The following FAM168A variants were observed in gnomAD, a reference collection of about 807,000 sequenced individuals.
FAM168A encodes protein FAM168A.
A neutral mutation model predicts 28.5 loss-of-function variants in FAM168A; 3 were observed. The ratio of observed to expected loss-of-function variants is 0.11; its 90% CI spans 0.05 to 0.27. The LOEUF (loss-of-function observed/expected upper bound fraction) is 0.27, where lower values mean the gene tolerates loss of function less well. FAM168A is among the 10% of genes least tolerant of loss of function. The pLI is 1.00. For synonymous variants in FAM168A, 122 were observed against 124.2 expected (o/e 0.98, Z 0.12); for missense variants, 222 against 311.5 (o/e 0.71, Z 2.16).
chr11:73,407,750 C>A, intron 6 of FAM168A, 107 bp from the exon 7 acceptor site: 1 of 875,878 alleles, frequency 1.1e-6, no homozygotes, highest in South Asian at 1.6e-5. Context: ...TGCCCAAATC[C>A]CCCATCTCCC....
intron 1 of FAM168A, among the ~76,000 whole-genome samples, chr11:73,489,716 G>A (rs1868103478): frequency 6.6e-6 from 1 of 152,002 alleles, no homozygotes; most frequent in African/African-American, 2.4e-5. Flanking sequence ...ATGCTGTGTT[G>A]CCTGGGCTGG....
chr11:73,587,361 G>A (rs967381036), intron 1 of FAM168A, among the ~76,000 whole-genome samples: 5 of 151,952 alleles, frequency 3.3e-5, no homozygotes, highest in South Asian at 4.2e-4. Context: ...GCATGGTTTC[G>A]GGCACCTGTA....
At chr11:73,491,796 A>G (rs1053879428) in intron 1 of FAM168A, among the ~76,000 whole-genome samples, 29 of 152,224 alleles carry the variant, frequency 1.9e-4, no homozygotes, top group African/African-American at 7.0e-4. Context: ...TAAGCTTGCA[A>G]GTCCAACATT....
chr11:73,570,386 G>GA (rs563953127), intron 1 of FAM168A, among the ~76,000 whole-genome samples: 19 of 151,674 alleles, frequency 1.3e-4, no homozygotes, highest in African/African-American at 2.4e-5. Context: ...GTACAAAGAT[G>GA]AAAAAAAATG....
chr11:73,594,266 A>AT (rs749019478), intron 1 of FAM168A, among the ~76,000 whole-genome samples: 4,279 of 142,650 alleles, frequency 0.03, 155 homozygotes, highest in African/African-American at 0.087. Flanking sequence ...CACCCAGCAA[A>AT]TTTTTTTTTT....
Position 73,411,413 on chromosome 11 carries a change from T to G in FAM168A, c.401A>C (p.Gln134Pro). 1 of 1,607,378 alleles carries G rather than the reference T, an allele frequency of 6.2e-7. No individual in the cohort carries two copies. The highest frequency in any genetic ancestry group is 1.1e-5 in the South Asian group (1 of 90,166). ...AMYPIRSAYP[Q>P]QNLYAQGAYY... Reference sequence around the variant, plus strand: ...ACCTACCTGGGCATACAGATTCTGCTGGGGGTAGGCACTTCTGATTGGATA... The same window carrying G: ...ACCTACCTGGGCATACAGATTCTGCGGGGGGTAGGCACTTCTGATTGGATA... The change falls in exon 5 of 8, where the codon CAG (glutamine) becomes CCG (proline). Residue 134 changes from glutamine (Q) to proline (P), a missense_variant. Gln to Pro is a moderately conservative substitution (Grantham distance 76, BLOSUM62 -1). Transcript: ENST00000356467.
intron 1 of FAM168A, among the ~76,000 whole-genome samples, chr11:73,502,724 T>C (rs977881917): frequency 6.6e-6 from 1 of 152,196 alleles, no homozygotes; most frequent in Non-Finnish European, 1.5e-5. Context: ...CAAATATCCC[T>C]GATGAACATC....
rs112378981 is a variant in FAM168A at position 73,496,120 on chromosome 11, A to C, written c.-18-27628T>G. Among the ~76,000 whole-genome samples the C allele has an allele frequency of 1.7e-4, 26 of 152,306 alleles. 1 individual carries two copies. Among genetic ancestry groups the C allele is most frequent in the African/African-American group, 6.0e-4 (25 of 41,574 alleles). On this transcript the variant is annotated intron_variant, in intron 1 of 7. Transcript: ENST00000356467. ...CACAACCTGCACCCACACACGCATGATGGAATATTACTCACTCTTAAAAAA... is the reference window on the plus strand; with the variant it reads ...CACAACCTGCACCCACACACGCATGCTGGAATATTACTCACTCTTAAAAAA...
intron 1 of FAM168A, among the ~76,000 whole-genome samples, chr11:73,592,438 A>G (rs1590759357): frequency 1.3e-5 from 2 of 152,384 alleles, no homozygotes; most frequent in Admixed American, 1.3e-4. Context: ...CAAAATAGAG[A>G]AAGAAATATG....
intron 1 of FAM168A, among the ~76,000 whole-genome samples, chr11:73,578,258 C>A (rs756227218): frequency 1.9e-4 from 29 of 151,878 alleles, no homozygotes; most frequent in Non-Finnish European, 4.1e-4. Context: ...GATAGAAAAG[C>A]CGATAGGTGG....
chr11:73,419,100 G>A (rs1031713632), intron 4 of FAM168A, among the ~76,000 whole-genome samples: 16 of 152,250 alleles, frequency 1.1e-4, no homozygotes, highest in Middle Eastern at 3.4e-3. Flanking sequence ...ATGAGCCACC[G>A]CGCCCGGCTG....
chr11:73,550,652 C>A (rs1238628773), intron 1 of FAM168A, among the ~76,000 whole-genome samples: 1 of 151,606 alleles, frequency 6.6e-6, no homozygotes, highest in Non-Finnish European at 1.5e-5. Flanking sequence ...CAGACTCTGT[C>A]TCAAAAATAA....
intron 2 of FAM168A, among the ~76,000 whole-genome samples, chr11:73,437,145 T>G (rs1033873981): frequency 6.6e-6 from 1 of 151,962 alleles, no homozygotes; most frequent in African/African-American, 2.4e-5. Flanking sequence ...GTCTCCAGGC[T>G]GCAGTGCAGT....
intron 1 of FAM168A, 38 bp from the exon 2 acceptor site, chr11:73,468,530 T>G: frequency 2.0e-6 from 3 of 1,472,726 alleles, no homozygotes; most frequent in Non-Finnish European, 1.9e-6. Flanking sequence ...TGATATTGAT[T>G]GTTCATTCTT....
At chr11:73,445,419 C>CTCTCTCTCTTTTTTTT (rs776745757) in intron 2 of FAM168A, among the ~76,000 whole-genome samples, 4 of 50,432 alleles carry the variant, frequency 7.9e-5, no homozygotes, top group African/African-American at 2.9e-4. Flanking sequence ...AAAAATGTCT[C>CTCTCTCTCTTTTTTTT]TTTTTTTTTT....
intron 1 of FAM168A, among the ~76,000 whole-genome samples, chr11:73,573,873 T>C (rs192039202): frequency 3.0e-4 from 46 of 152,258 alleles, no homozygotes; most frequent in African/African-American, 1.1e-3. Context: ...AGAGGATCAC[T>C]ATGTCCAGGA....
At chr11:73,525,326 C>T (rs572775868) in intron 1 of FAM168A, among the ~76,000 whole-genome samples, 2 of 152,140 alleles carry the variant, frequency 1.3e-5, no homozygotes, top group African/African-American at 4.8e-5. Flanking sequence ...GGGAAAGGGA[C>T]GTTCAAATGT....
chr11:73,426,510 C>A (rs537907400), intron 3 of FAM168A, among the ~76,000 whole-genome samples: 1 of 152,336 alleles, frequency 6.6e-6, no homozygotes, highest in South Asian at 2.1e-4. Context: ...GAAGGCACCT[C>A]TGTGCATCAC....
intron 1 of FAM168A, among the ~76,000 whole-genome samples, chr11:73,582,862 TCA>T (rs377355401): frequency 1.6e-3 from 242 of 152,336 alleles, no homozygotes; most frequent in Middle Eastern, 0.01. Context: ...TTTCTGAGTC[TCA>T]TTGTGTCTAC....
Sources: gnomAD v4.1 joint callset for allele counts (sites outside exome capture counted in the v4.1 genomes callset) on GRCh38, gnomAD v4.1.1 for gene constraint, MANE v1.5 for transcripts, NCBI Gene and HGNC (gene_info 2026-07-23, HGNC 2026-07-21) for gene names.